Variants in NTM observed in about 807,000 individuals in gnomAD.
The protein encoded by NTM is neurotrimin.
In NTM, 13 loss-of-function variants were observed where a neutral mutation model predicts 42.1. That is an observed-to-expected ratio of 0.31 (90% CI 0.20 to 0.49). The LOEUF (loss-of-function observed/expected upper bound fraction) is 0.49. NTM is among the 20% of genes least tolerant of loss of function. The pLI is 0.99. For missense variants in NTM, 373 were observed against 452.8 expected (o/e 0.82, Z 1.60); for synonymous variants, 187 against 179.2 (o/e 1.04, Z -0.35).
chr11:131,619,734 G>A (rs960962149), intron 1 of NTM, among the ~76,000 whole-genome samples: 2 of 151,990 alleles, frequency 1.3e-5, no homozygotes, highest in Non-Finnish European at 2.9e-5. Context: ...AGCAGACGTG[G>A]TGTAGAAAAA....
chr11:131,761,327 A>G (rs1024740498), intron 1 of NTM, among the ~76,000 whole-genome samples: 1 of 152,182 alleles, frequency 6.6e-6, no homozygotes, highest in Non-Finnish European at 1.5e-5. Context: ...CCTAACAAGA[A>G]GCTGAAATTA....
chr11:131,964,677 T>C (rs1216358282), intron 2 of NTM, among the ~76,000 whole-genome samples: 1 of 152,196 alleles, frequency 6.6e-6, no homozygotes, highest in African/African-American at 2.4e-5. Context: ...GTCCCTGTGA[T>C]CAATGGCTAG....
At chr11:131,961,874 A>G (rs1199470840) in intron 2 of NTM, among the ~76,000 whole-genome samples, 1 of 152,072 alleles carries the variant, frequency 6.6e-6, no homozygotes, top group East Asian at 1.9e-4. Context: ...CCTGCATTCG[A>G]AACATAGAGT....
intron 4 of NTM, among the ~76,000 whole-genome samples, chr11:132,234,823 C>A (rs1566542306): frequency 6.6e-6 from 1 of 152,132 alleles, no homozygotes; most frequent in Non-Finnish European, 1.5e-5. Flanking sequence ...CATTTATATT[C>A]TTCTACATAA....
At chr11:131,967,266 A>T (rs1223683656) in intron 2 of NTM, among the ~76,000 whole-genome samples, 1 of 152,196 alleles carries the variant, frequency 6.6e-6, no homozygotes, top group African/African-American at 2.4e-5. Flanking sequence ...AGATCATCAG[A>T]TGGAGAATAG....
chr11:131,869,713 G>A (rs939655086), intron 1 of NTM, among the ~76,000 whole-genome samples: 1 of 151,880 alleles, frequency 6.6e-6, no homozygotes. Flanking sequence ...CTCAGGCCCA[G>A]GTGCCACTGT....
chr11:132,093,551 T>G (rs1226453746), intron 2 of NTM, among the ~76,000 whole-genome samples: 1 of 152,208 alleles, frequency 6.6e-6, no homozygotes, highest in South Asian at 2.1e-4. Context: ...CCACCCAGAA[T>G]AGCTTTCTTT....
chr11:131,786,886 C>A (rs1050166621), intron 1 of NTM, among the ~76,000 whole-genome samples: 1 of 152,162 alleles, frequency 6.6e-6, no homozygotes, highest in Non-Finnish European at 1.5e-5. Flanking sequence ...TTAATGAGCA[C>A]TGAAAATAGG....
intron 2 of NTM, among the ~76,000 whole-genome samples, chr11:131,990,499 G>A (rs2066829733): frequency 6.6e-6 from 1 of 151,942 alleles, no homozygotes; most frequent in South Asian, 2.1e-4. Flanking sequence ...GTGTGGGTCT[G>A]TGTGTGTTTG....
intron 8 of NTM, chr11:132,332,444 T>C (rs2095817582): frequency 6.6e-6 from 1 of 152,200 alleles, no homozygotes; most frequent in South Asian, 2.1e-4. Context: ...TTCCCAGATA[T>C]ACTACAAGCA....
intron 1 of NTM, among the ~76,000 whole-genome samples, chr11:131,482,591 C>T (rs1417411038): frequency 6.6e-6 from 1 of 152,202 alleles, no homozygotes; most frequent in African/African-American, 2.4e-5. Flanking sequence ...TAACGTGAAT[C>T]TTCACAGGCT....
At chr11:131,859,033 A>G (rs906906068) in intron 1 of NTM, among the ~76,000 whole-genome samples, 1 of 152,156 alleles carries the variant, frequency 6.6e-6, no homozygotes, top group Admixed American at 6.5e-5. Context: ...TTCAGCTCCT[A>G]GGAAATCATT....
intron 1 of NTM, among the ~76,000 whole-genome samples, chr11:131,792,880 T>C (rs575338209): frequency 6.3e-4 from 96 of 152,374 alleles, no homozygotes; most frequent in South Asian, 1.2e-3. Flanking sequence ...TAAATACTTA[T>C]GGAAGAAGTC....
intron 1 of NTM, among the ~76,000 whole-genome samples, chr11:131,550,992 C>T (rs143994279): frequency 0.02 from 3,015 of 152,000 alleles, 100 homozygotes; most frequent in African/African-American, 0.069. Context: ...GACTCTCCAC[C>T]ATTTGCATTT....
At chr11:131,712,245 A>G (rs2077250336) in intron 1 of NTM, among the ~76,000 whole-genome samples, 2 of 151,562 alleles carry the variant, frequency 1.3e-5, no homozygotes, top group South Asian at 2.1e-4. Context: ...TCTTTGGAAG[A>G]GCAATTTAGT....
intron 3 of NTM, among the ~76,000 whole-genome samples, chr11:132,150,507 G>A (rs184432633): frequency 1.3e-5 from 2 of 152,280 alleles, no homozygotes; most frequent in East Asian, 3.9e-4. Context: ...GGCTTTCCAT[G>A]GCTTGAAGGG....
chr11:131,720,172 T>C (rs371895409), intron 1 of NTM, among the ~76,000 whole-genome samples: 2 of 152,234 alleles, frequency 1.3e-5, no homozygotes, highest in South Asian at 4.1e-4. Flanking sequence ...ACATACATTG[T>C]GCCAGGTAGT....
chr11:132,335,196 C>T lies in NTM; in HGVS notation c.*50C>T. ...GAAAGGCTGCCGCCACCACCACCACCAACACAACAGCAATGGCAACACCGA... is the reference window on the plus strand; with the variant it reads ...GAAAGGCTGCCGCCACCACCACCACTAACACAACAGCAATGGCAACACCGA... On this transcript the variant is annotated 3_prime_UTR_variant, in exon 9 of 9. Coordinates refer to ENST00000683400, the MANE Select transcript of NTM (RefSeq NM_001352005.2). 1 of 1,600,358 alleles carries T rather than the reference C, an allele frequency of 6.2e-7. No individual in the cohort carries two copies. The highest frequency in any genetic ancestry group is 8.5e-7 in the Non-Finnish European group (1 of 1,173,096).
chr11:132,274,772 G>T (rs2093639900), intron 4 of NTM, among the ~76,000 whole-genome samples: 1 of 152,072 alleles, frequency 6.6e-6, no homozygotes, highest in African/African-American at 2.4e-5. Flanking sequence ...CTATTCAATG[G>T]AGTATACTAT....
Sources: allele counts gnomAD v4.1 joint callset (sites outside exome capture counted in the v4.1 genomes callset), GRCh38; gene constraint gnomAD v4.1.1; transcripts MANE v1.5; gene names NCBI Gene and HGNC (gene_info 2026-07-23, HGNC 2026-07-21).